The following SHTN1 variants were observed in gnomAD, a reference collection of about 807,000 sequenced individuals.
The protein encoded by SHTN1 is shootin-1.
Under a neutral mutation model 83.1 loss-of-function variants are expected in SHTN1, and 42 were observed. That is an observed-to-expected ratio of 0.51 (90% CI 0.39 to 0.65). The LOEUF (loss-of-function observed/expected upper bound fraction) is 0.65. Ranked by LOEUF, SHTN1 falls within the 30% of genes least tolerant of loss-of-function variation. The pLI is 0.00. For synonymous variants in SHTN1, 224 were observed against 247.7 expected, an observed-to-expected ratio of 0.90 and a Z score of 0.90; for missense variants, 622 against 737.8, an observed-to-expected ratio of 0.84 and a Z score of 1.82.
intron 11 of SHTN1, among the ~76,000 whole-genome samples, chr10:116,926,311 T>C: frequency 6.6e-6 from 1 of 152,202 alleles, no homozygotes; most frequent in African/African-American, 2.4e-5. Flanking sequence ...TGGACAGAAG[T>C]GACCTTTCTT....
intron 2 of SHTN1, 75 bp downstream of exon 2, chr10:116,979,181 G>C (rs1260434907): frequency 1.7e-6 from 2 of 1,192,764 alleles, no homozygotes; most frequent in Non-Finnish European, 2.5e-6. Context: ...ACTGAAATTG[G>C]TGACTGAACA....
At position 117,065,757 on chromosome 10, in the gene SHTN1, A is replaced by G. The variant is rs1484190235; in HGVS notation, c.-188-17247T>C. Among the ~76,000 whole-genome samples, 14 of 60,868 alleles carry G rather than the reference A, an allele frequency of 2.3e-4. 1 individual carries two copies. Among genetic ancestry groups the G allele is most frequent in the African/African-American group, 1.3e-3 (14 of 10,786 alleles). 39.9% of individuals were successfully genotyped at this position (60,868 alleles called of 152,430 possible). ...GAAAGAAAGAAAGAAAGAAAGAAAG[A>G]AAGAAAGAAAGAAAGAAAGAAAGAA... is the stretch of plus-strand genomic sequence containing the variant. On this transcript the variant is annotated intron_variant, in intron 1 of 17. Coordinates refer to the SHTN1 transcript ENST00000392901.
At chr10:117,034,092 A>G (rs1314727417) in intron 2 of SHTN1, among the ~76,000 whole-genome samples, 2 of 152,126 alleles carry the variant, frequency 1.3e-5, no homozygotes, top group Admixed American at 6.6e-5. Context: ...AATGGGGAAA[A>G]AAATGAAAGC....
At chr10:116,907,954 G>T in intron 14 of SHTN1, 1 of 511,664 alleles carries the variant, frequency 2.0e-6, no homozygotes. Flanking sequence ...GGCTAAAAAT[G>T]GTTGTTTTAG....
At chr10:116,932,761 AAC>A (rs1460244173) in intron 9 of SHTN1, among the ~76,000 whole-genome samples, 1 of 152,214 alleles carries the variant, frequency 6.6e-6, no homozygotes, top group Non-Finnish European at 1.5e-5. Context: ...CTGTAAGAAT[AAC>A]TGTATATACA....
chr10:116,993,600 C>T (rs1273516406), intron 1 of SHTN1, among the ~76,000 whole-genome samples: 3 of 152,016 alleles, frequency 2.0e-5, no homozygotes, highest in African/African-American at 7.2e-5. Flanking sequence ...TGGGTAGTAA[C>T]TGCCTAACAT....
At chr10:117,125,672 T>C (rs1291564852) in intron 1 of SHTN1, among the ~76,000 whole-genome samples, 1 of 152,068 alleles carries the variant, frequency 6.6e-6, no homozygotes, top group Admixed American at 6.6e-5. Context: ...TTTCTTTTTC[T>C]CTCCCCTCCG....
intron 7 of SHTN1, among the ~76,000 whole-genome samples, chr10:116,946,146 T>C (rs1273198509): frequency 1.3e-5 from 2 of 151,112 alleles, no homozygotes; most frequent in Non-Finnish European, 2.9e-5. Flanking sequence ...CCAGCAAGTA[T>C]AAAGAGATTC....
In SHTN1 at chr10:116,949,236, G is replaced by T. The variant is rs536229366; in HGVS notation, c.535-239C>A. On this transcript the variant is annotated intron_variant, in intron 6 of 16. Coordinates refer to ENST00000355371, the MANE Select transcript of SHTN1 (RefSeq NM_001127211.3). Reference sequence around the variant, plus strand: ...TATTTATATATTCCAGTTGGCACTGGCACCTAAACATAACAGTATGCTAGC... The same window carrying T: ...TATTTATATATTCCAGTTGGCACTGTCACCTAAACATAACAGTATGCTAGC... Among the ~76,000 whole-genome samples the T allele has an allele frequency of 5.9e-5, 9 of 152,098 alleles. No individual in the cohort carries two copies. In the South Asian group the frequency reaches 1.9e-3, roughly 32 times the overall value.
intron 8 of SHTN1, among the ~76,000 whole-genome samples, chr10:116,942,268 A>G (rs1028801426): frequency 2.2e-4 from 34 of 151,342 alleles, no homozygotes; most frequent in Non-Finnish European, 4.4e-4. Context: ...GCTGGAGTGC[A>G]GTGGCACAAT....
intron 1 of SHTN1, among the ~76,000 whole-genome samples, chr10:117,065,741 AAAG>A (rs1564947209): frequency 3.5e-4 from 2 of 5,662 alleles, no homozygotes; most frequent in Non-Finnish European, 1.7e-3. Flanking sequence ...AGAAAGAAAG[AAAG>A]AAAGAAAGAA....
intron 2 of SHTN1, among the ~76,000 whole-genome samples, chr10:117,029,890 CTTTCTTT>C (rs1396653741): frequency 2.5e-4 from 17 of 69,270 alleles, no homozygotes; most frequent in African/African-American, 1.0e-3. Flanking sequence ...GTCTCTCTCT[CTTTCTTT>C]TTTTTTTTTT....
intron 13 of SHTN1, among the ~76,000 whole-genome samples, chr10:116,915,152 A>G (rs1390561446): frequency 6.6e-6 from 1 of 152,202 alleles, no homozygotes; most frequent in Non-Finnish European, 1.5e-5. Flanking sequence ...TCGTAATGAG[A>G]CAACAGCACC....
intron 1 of SHTN1, among the ~76,000 whole-genome samples, chr10:117,101,439 G>A (rs909978318): frequency 1.3e-5 from 2 of 152,210 alleles, no homozygotes; most frequent in African/African-American, 2.4e-5. Context: ...AGAACAGCTG[G>A]AGAAGGAATA....
chr10:117,120,422 G>A (rs954747421), intron 1 of SHTN1, among the ~76,000 whole-genome samples: 6 of 151,824 alleles, frequency 4.0e-5, no homozygotes. Flanking sequence ...TAATTTTTTT[G>A]TATTTTTAGT....
intron 1 of SHTN1, among the ~76,000 whole-genome samples, chr10:117,097,014 CACACACACACACATAG>C (rs1025197841): frequency 6.5e-5 from 9 of 137,458 alleles, no homozygotes; most frequent in Admixed American, 4.0e-4. Flanking sequence ...CACGCGCGCG[CACACACACACACATAG>C]ACACACACAC....
chr10:116,953,623 GTTTT>G (rs759706275), intron 5 of SHTN1, among the ~76,000 whole-genome samples: 7 of 92,724 alleles, frequency 7.5e-5, no homozygotes, highest in Admixed American at 2.9e-4. Flanking sequence ...TTTGTGTTTT[GTTTT>G]TTTTTTTTTT....
At chr10:117,124,211 CAAAAA>C (rs779250492) in intron 1 of SHTN1, among the ~76,000 whole-genome samples, 3 of 65,914 alleles carry the variant, frequency 4.6e-5, no homozygotes, top group African/African-American at 1.7e-4. Flanking sequence ...GATTATGTCT[CAAAAA>C]AAAAAAAAAA....
rs563551622 is a variant in SHTN1 at position 116,895,379 on chromosome 10, C to T, written c.1673+6386G>A. ...CTAAAATTTATTTTGAAGCACAGCCCTTTATTGGACATTTGGCATGAAAAA... is the reference window on the plus strand; with the variant it reads ...CTAAAATTTATTTTGAAGCACAGCCTTTTATTGGACATTTGGCATGAAAAA... On this transcript the variant is annotated intron_variant, in intron 16 of 16. Transcript: ENST00000355371. Among the ~76,000 whole-genome samples, 6 of 152,228 alleles carry T rather than the reference C, an allele frequency of 3.9e-5. 1 individual carries two copies. Among genetic ancestry groups the T allele is most frequent in the African/African-American group, 1.4e-4 (6 of 41,552 alleles).
Sources: allele counts gnomAD v4.1 joint callset (sites outside exome capture counted in the v4.1 genomes callset), GRCh38; gene constraint gnomAD v4.1.1; transcripts MANE v1.5; gene names NCBI Gene and HGNC (gene_info 2026-07-23, HGNC 2026-07-21).